DAB1: variants seen among roughly 807,000 people sequenced by gnomAD.
DAB1 encodes the protein disabled homolog 1.
Under a neutral mutation model 64.6 loss-of-function variants are expected in DAB1, and 15 were observed. The observed-to-expected ratio is 0.23, with a 90% CI of 0.16 to 0.36. DAB1 has a LOEUF of 0.36. DAB1 is among the 10% of genes least tolerant of loss of function. DAB1 has a pLI of 1.00. For missense variants in DAB1, 596 were observed against 706.7 expected (o/e 0.84, Z 1.78); for synonymous variants, 235 against 251.9 (o/e 0.93, Z 0.64).
chr1:57,694,398 A>C (rs1646799560), intron 6 of DAB1, among the ~76,000 whole-genome samples: 2 of 152,126 alleles, frequency 1.3e-5, no homozygotes, highest in African/African-American at 4.8e-5. Context: ...AGGAACCGAG[A>C]ATATATATTG....
At chr1:57,732,745 A>C (rs1647494998) in intron 6 of DAB1, among the ~76,000 whole-genome samples, 1 of 152,148 alleles carries the variant, frequency 6.6e-6, no homozygotes, top group African/African-American at 2.4e-5. Flanking sequence ...GGTAGAAAGC[A>C]GGCAGGGAGG....
At chr1:57,121,634 A>C (rs1032768851) in intron 4 of DAB1, among the ~76,000 whole-genome samples, 1 of 152,168 alleles carries the variant, frequency 6.6e-6, no homozygotes, top group Non-Finnish European at 1.5e-5. Context: ...GTCTTTGCCT[A>C]TGCCTATGTC....
At position 58,527,223 on chromosome 1, in the gene DAB1, G is replaced by T. The variant is rs375972697; in HGVS notation, n.107+38C>A. ...AACACACGTTTATCTTTCAGCCTGG[G>T]AAGGGCATTATGTATTCTCAACTAC... On this transcript the variant is annotated intron_variant and non_coding_transcript_variant, in intron 2 of 20. Transcript: ENST00000485760. The T allele has an allele frequency of 9.3e-6, 8 of 860,896 alleles. No individual in the cohort carries two copies. The African/African-American group carries it at 9.8e-5, about 11-fold the overall frequency. 53.3% of individuals were successfully genotyped at this position (860,896 alleles called of 1,614,324 possible).
chr1:57,232,472 CA>C (rs1667757413), intron 2 of DAB1, among the ~76,000 whole-genome samples: 1 of 152,012 alleles, frequency 6.6e-6, no homozygotes, highest in Non-Finnish European at 1.5e-5. Flanking sequence ...AACGGGAATA[CA>C]AAAATGAGCA....
At chr1:57,786,987 T>TA (rs941586720) in intron 6 of DAB1, among the ~76,000 whole-genome samples, 6 of 151,960 alleles carry the variant, frequency 3.9e-5, no homozygotes, top group Non-Finnish European at 7.4e-5. Context: ...CTGTTACCAT[T>TA]AAAAAAACCA....
chr1:58,012,826 T>C (rs1053117017), intron 5 of DAB1, among the ~76,000 whole-genome samples: 1 of 152,198 alleles, frequency 6.6e-6, no homozygotes, highest in Admixed American at 6.5e-5. Flanking sequence ...GTCTACAGTA[T>C]TCTGTTATAG....
intron 1 of DAB1, among the ~76,000 whole-genome samples, chr1:57,327,331 G>C (rs1676249579): frequency 6.6e-6 from 1 of 152,118 alleles, no homozygotes; most frequent in African/African-American, 2.4e-5. Flanking sequence ...CTGGAAGATG[G>C]GCTGTCAGAG....
intron 2 of DAB1, among the ~76,000 whole-genome samples, chr1:57,166,750 TAC>T (rs1475579639): frequency 6.6e-6 from 1 of 152,160 alleles, no homozygotes; most frequent in East Asian, 1.9e-4. Flanking sequence ...TAAAAGACCT[TAC>T]ATCTAACTCT....
At chr1:58,268,148 A>C (rs1189169355) in intron 4 of DAB1, among the ~76,000 whole-genome samples, 1 of 152,172 alleles carries the variant, frequency 6.6e-6, no homozygotes, top group African/African-American at 2.4e-5. Flanking sequence ...CCTCACCTAT[A>C]AATTTGGTGA....
At chr1:58,049,064 TG>T (rs1647444896) in intron 5 of DAB1, 1 of 784,878 alleles carries the variant, frequency 1.3e-6, no homozygotes, top group Non-Finnish European at 2.3e-6. Flanking sequence ...CCACCTTGTG[TG>T]GCCTTGCATT....
At chr1:58,374,865 G>A (rs886593517) in intron 3 of DAB1, among the ~76,000 whole-genome samples, 10 of 136,656 alleles carry the variant, frequency 7.3e-5, no homozygotes, top group African/African-American at 2.8e-4. Flanking sequence ...TTGAGCAGTG[G>A]TTTGTAGTTC....
intron 5 of DAB1, among the ~76,000 whole-genome samples, chr1:57,999,758 A>G (rs2100400370): frequency 6.6e-6 from 1 of 152,224 alleles, no homozygotes; most frequent in South Asian, 2.1e-4. Flanking sequence ...ACCCTGGTCT[A>G]CAGCTTTATG....
At chr1:57,750,354 T>C (rs1648497766) in intron 6 of DAB1, among the ~76,000 whole-genome samples, 1 of 152,154 alleles carries the variant, frequency 6.6e-6, no homozygotes, top group African/African-American at 2.4e-5. Flanking sequence ...GTGAGCTTTG[T>C]TACAGACATT....
chr1:58,143,225 T>TG (rs1483938626), intron 5 of DAB1, among the ~76,000 whole-genome samples: 2 of 152,076 alleles, frequency 1.3e-5, no homozygotes, highest in Non-Finnish European at 2.9e-5. Flanking sequence ...CTTTATTGAA[T>TG]GGAAGTGTTT....
chr1:58,193,291 C>T (rs1657489368), intron 4 of DAB1, among the ~76,000 whole-genome samples: 1 of 152,142 alleles, frequency 6.6e-6, no homozygotes, highest in African/African-American at 2.4e-5. Context: ...CGTTCTGGCT[C>T]CCCTTTGCCT....
intron 2 of DAB1, among the ~76,000 whole-genome samples, chr1:58,522,415 T>C (rs1646279124): frequency 6.6e-6 from 1 of 152,150 alleles, no homozygotes; most frequent in South Asian, 2.1e-4. Context: ...GAAGAGAAAC[T>C]CTTTCATTTG....
chr1:58,300,386 A>G (rs1293300934), intron 4 of DAB1, among the ~76,000 whole-genome samples: 2 of 151,716 alleles, frequency 1.3e-5, no homozygotes, highest in Non-Finnish European at 2.9e-5. Flanking sequence ...TCTCTACTGA[A>G]AATACAAAAA....
At position 57,993,594 on chromosome 1, in the gene DAB1, T is replaced by G. The variant is rs140352605; in HGVS notation, n.388-109432A>C. On this transcript the variant is annotated intron_variant and non_coding_transcript_variant, in intron 5 of 20. Coordinates refer to the DAB1 transcript ENST00000485760. ...ACTGGTACCCGCTGCATTTGGCTGA[T>G]AGTCTTGTCCTAGTTTCTAACCCTC... 1.8e-3 allele frequency among the ~76,000 whole-genome samples: 269 copies of G among 152,346 alleles called. 3 individuals are homozygous for G. Among genetic ancestry groups the G allele is most frequent in the African/African-American group, 6.1e-3 (254 of 41,590 alleles).
intron 1 of DAB1, among the ~76,000 whole-genome samples, chr1:58,529,039 T>A (rs1347351823): frequency 6.6e-6 from 1 of 152,144 alleles, no homozygotes; most frequent in Non-Finnish European, 1.5e-5. Flanking sequence ...ATAACCACAT[T>A]AATTCTTTTA....
Sources: gnomAD v4.1 joint callset for allele counts (sites outside exome capture counted in the v4.1 genomes callset) on GRCh38, gnomAD v4.1.1 for gene constraint, MANE v1.5 for transcripts, NCBI Gene and HGNC (gene_info 2026-07-23, HGNC 2026-07-21) for gene names.